BIRC6: variants seen among roughly 807,000 people sequenced by gnomAD.
BIRC6 encodes dual E2 ubiquitin-conjugating enzyme/E3 ubiquitin-protein ligase BIRC6.
BIRC6 carries 98 observed loss-of-function variants against 503.3 expected under a neutral mutation model. The ratio of observed to expected loss-of-function variants is 0.19; its 90% CI spans 0.17 to 0.23. The LOEUF (loss-of-function observed/expected upper bound fraction) is 0.23, where lower values mean the gene tolerates loss of function less well. BIRC6 is among the 10% of genes least tolerant of loss of function. BIRC6 has a pLI of 1.00. For missense variants in BIRC6, 5,360 were observed against 5,806.0 expected (o/e 0.92, Z 2.50); for synonymous variants, 2,240 against 2,078.7 (o/e 1.08, Z -2.11).
At chr2:32,578,737 A>T (rs2151099919) in intron 66 of BIRC6, among the ~76,000 whole-genome samples, 1 of 151,992 alleles carries the variant, frequency 6.6e-6, no homozygotes, top group Admixed American at 6.6e-5. Flanking sequence ...TGGGGGTTGC[A>T]GTGATCACAC....
At chr2:32,444,525 T>A (rs2045758012) in intron 20 of BIRC6, among the ~76,000 whole-genome samples, 1 of 152,234 alleles carries the variant, frequency 6.6e-6, no homozygotes, top group Non-Finnish European at 1.5e-5. Context: ...GAAGGGCTAC[T>A]AACTTGGCCT....
intron 65 of BIRC6, among the ~76,000 whole-genome samples, chr2:32,574,198 A>G (rs1031961771): frequency 8.0e-5 from 10 of 125,384 alleles, no homozygotes; most frequent in South Asian, 2.4e-4. Flanking sequence ...ATTTTGCCCT[A>G]TCACCCAGGC....
At chr2:32,414,173 C>T (rs756524402) in intron 9 of BIRC6, among the ~76,000 whole-genome samples, 34 of 151,852 alleles carry the variant, frequency 2.2e-4, no homozygotes, top group Non-Finnish European at 2.9e-4. Flanking sequence ...GCTATTCTTG[C>T]GGCTGAGGCA....
At chr2:32,477,178 C>T (rs974190776) in intron 34 of BIRC6, among the ~76,000 whole-genome samples, 190 bp from the exon 35 acceptor site, 1 of 151,966 alleles carries the variant, frequency 6.6e-6, no homozygotes, top group Non-Finnish European at 1.5e-5. Flanking sequence ...TACTTTACTC[C>T]AAATAGGAAG....
intron 10 of BIRC6, 130 bp from the exon 11 acceptor site, chr2:32,429,016 A>G (rs1248433607): frequency 1.0e-5 from 8 of 786,246 alleles, no homozygotes; most frequent in Non-Finnish European, 1.3e-5. Context: ...ACTCTTGGAA[A>G]TACATCACAT....
At chr2:32,592,832 T>A (rs1390397854) in intron 66 of BIRC6, among the ~76,000 whole-genome samples, 1 of 152,130 alleles carries the variant, frequency 6.6e-6, no homozygotes, top group Non-Finnish European at 1.5e-5. Flanking sequence ...CAACCTCAGG[T>A]GTTCCACCCG....
At chr2:32,421,460 A>G (rs1406626286) in intron 10 of BIRC6, among the ~76,000 whole-genome samples, 2 of 152,112 alleles carry the variant, frequency 1.3e-5, no homozygotes, top group African/African-American at 4.8e-5. Flanking sequence ...TAATATAGGA[A>G]ATTTAAAGCC....
intron 65 of BIRC6, among the ~76,000 whole-genome samples, chr2:32,569,112 C>T (rs1381527525): frequency 6.6e-6 from 1 of 151,642 alleles, no homozygotes; most frequent in African/African-American, 2.4e-5. Flanking sequence ...GTCTCAGCCT[C>T]CCGAGTAGCT....
chr2:32,515,839 G>A (rs2054974757), intron 55 of BIRC6, 69 bp downstream of exon 55: 1 of 1,379,576 alleles, frequency 7.2e-7, no homozygotes, highest in Admixed American at 2.5e-5. Flanking sequence ...ATAAAGGCCA[G>A]GTAATAATAA....
chr2:32,513,359 CT>C lies in BIRC6; in HGVS notation c.10568+213del, dbSNP rs1162046741. ...GAAGATATGTTAGCAGTACTGCCTT[CT>C]TTTTTTTAACCTAAAATTATGCTTA... is the stretch of plus-strand genomic sequence containing the variant. On this transcript the variant is annotated intron_variant, in intron 54 of 73. Coordinates refer to ENST00000421745, the MANE Select transcript of BIRC6 (RefSeq NM_016252.4). Among the ~76,000 whole-genome samples, 7 of 152,026 alleles carry C rather than the reference CT, an allele frequency of 4.6e-5. No homozygotes were observed. The East Asian group carries it at 9.6e-4, about 21-fold the overall frequency.
chr2:32,614,563 C>G (rs566406540), intron 73 of BIRC6, among the ~76,000 whole-genome samples: 2 of 152,316 alleles, frequency 1.3e-5, no homozygotes, highest in African/African-American at 4.8e-5. Flanking sequence ...CGCAGTGACT[C>G]ACGCCTATAA....
At chr2:32,420,400 C>A (rs2042808508) in intron 10 of BIRC6, among the ~76,000 whole-genome samples, 1 of 151,938 alleles carries the variant, frequency 6.6e-6, no homozygotes, top group South Asian at 2.1e-4. Context: ...ATAGAGACTT[C>A]CTAAGGTTTT....
intron 71 of BIRC6, among the ~76,000 whole-genome samples, chr2:32,605,200 G>T (rs1222350639): frequency 6.6e-6 from 1 of 151,858 alleles, no homozygotes; most frequent in Admixed American, 6.6e-5. Flanking sequence ...ATTTTTTTCT[G>T]ATCTTTTCCC....
chr2:32,527,076 T>G (rs2056332635), intron 59 of BIRC6: 1 of 152,236 alleles, frequency 6.6e-6, no homozygotes. Flanking sequence ...ATAACTGTCC[T>G]GGGATGTGCT....
chr2:32,416,661 A>G (rs573905005), intron 10 of BIRC6, among the ~76,000 whole-genome samples: 40 of 152,098 alleles, frequency 2.6e-4, no homozygotes, highest in South Asian at 1.9e-3. Context: ...TTTTTGTCTG[A>G]TTTATTCCTG....
intron 65 of BIRC6, among the ~76,000 whole-genome samples, chr2:32,554,048 G>T (rs1250763446): frequency 1.3e-5 from 2 of 152,036 alleles, no homozygotes; most frequent in Admixed American, 6.6e-5. Context: ...CCACTAGATG[G>T]AGATCCTGTT....
chr2:32,392,163 T>C lies in BIRC6; in HGVS notation c.951+13T>C, dbSNP rs1229396234. 2.0e-6 allele frequency: 3 copies of C among 1,513,558 alleles called. 1 individual carries two copies. The African/African-American group carries it at 4.2e-5, about 21-fold the overall frequency. 93.8% of individuals were successfully genotyped at this position (1,513,558 alleles called of 1,614,324 possible). On this transcript the variant is annotated intron_variant, in intron 5 of 73. Transcript: ENST00000421745. Reference sequence around the variant, plus strand: ...ATTTTATCATCAGGTAAAAAAAGAATATAAAAAAATACTTTTCTCAGTAGG... The same window carrying C: ...ATTTTATCATCAGGTAAAAAAAGAACATAAAAAAATACTTTTCTCAGTAGG...
intron 10 of BIRC6, among the ~76,000 whole-genome samples, chr2:32,421,308 C>T (rs1207002344): frequency 1.3e-5 from 2 of 151,782 alleles, no homozygotes; most frequent in East Asian, 1.9e-4. Flanking sequence ...GGTCTCACCA[C>T]GTTGGCCAGG....
At chr2:32,498,417 T>A (rs953298339) in intron 45 of BIRC6, among the ~76,000 whole-genome samples, 4 of 152,160 alleles carry the variant, frequency 2.6e-5, no homozygotes, top group Non-Finnish European at 4.4e-5. Context: ...TTAATCACAT[T>A]CCACTTTAAA....
Sources: allele counts gnomAD v4.1 joint callset (sites outside exome capture counted in the v4.1 genomes callset), GRCh38; gene constraint gnomAD v4.1.1; transcripts MANE v1.5; gene names NCBI Gene and HGNC (gene_info 2026-07-23, HGNC 2026-07-21).